RTTN: variants seen among roughly 807,000 people sequenced by gnomAD.
RTTN encodes rotatin.
RTTN carries 182 observed loss-of-function variants against 269.2 expected under a neutral mutation model. The observed-to-expected ratio is 0.68, with a 90% CI of 0.60 to 0.76. The LOEUF (loss-of-function observed/expected upper bound fraction) is 0.76, where lower values mean the gene tolerates loss of function less well. Ranked by LOEUF, RTTN falls within the 30% of genes least tolerant of loss-of-function variation. RTTN has a pLI of 0.00. For synonymous variants in RTTN, 1,006 were observed against 963.5 expected (o/e 1.04, Z -0.82); for missense variants, 2,545 against 2,608.6 (o/e 0.98, Z 0.53).
At chr18:70,108,698 GGTT>G (rs1443302635) in intron 28 of RTTN, among the ~76,000 whole-genome samples, 1 of 152,032 alleles carries the variant, frequency 6.6e-6, no homozygotes, top group East Asian at 1.9e-4. Flanking sequence ...AGAAATGCAA[GGTT>G]GTTTAACATT....
chr18:70,133,358 T>C (rs1285773216), intron 23 of RTTN, among the ~76,000 whole-genome samples: 1 of 152,148 alleles, frequency 6.6e-6, no homozygotes, highest in African/African-American at 2.4e-5. Flanking sequence ...CACAACAACT[T>C]CGTAATACTG....
intron 10 of RTTN, among the ~76,000 whole-genome samples, chr18:70,186,077 C>CT (rs1216622152): frequency 1.4e-5 from 2 of 143,906 alleles, no homozygotes; most frequent in Admixed American, 6.7e-5. Context: ...GCCCTCTCCC[C>CT]CCCAAAAAAA....
intron 40 of RTTN, 123 bp downstream of exon 40, chr18:70,047,848 G>T: frequency 2.6e-6 from 2 of 754,832 alleles, no homozygotes; most frequent in South Asian, 1.8e-5. Context: ...CATTTAAACA[G>T]TCATAATAAG....
chr18:70,165,096 G>T (rs2060949754), intron 14 of RTTN, among the ~76,000 whole-genome samples: 1 of 151,972 alleles, frequency 6.6e-6, no homozygotes, highest in Admixed American at 6.6e-5. Flanking sequence ...ATTTTCAAAC[G>T]TATGCACACA....
At chr18:70,196,255 G>A (rs2061802606) in intron 7 of RTTN, among the ~76,000 whole-genome samples, 1 of 150,874 alleles carries the variant, frequency 6.6e-6, no homozygotes, top group Admixed American at 6.6e-5. Flanking sequence ...CTGCAAGTTT[G>A]GGAGAAAAAA....
In RTTN at chr18:70,048,167, C is replaced by T. The variant is rs749056846; in HGVS notation, c.5345G>A (p.Gly1782Asp). ...AAIDMFCTCA[G>D]LSATCPALYT... ...CAGGGCAGGACACGTGGCAGACAAG[C>T]CTGCACATGTGCAGAACATATCTAA... is the stretch of plus-strand genomic sequence containing the variant. Residue 1782 changes from glycine to aspartate, a missense_variant, in exon 40 of 49, where the codon GGC becomes GAC. Coordinates refer to ENST00000640769, the MANE Select transcript of RTTN (RefSeq NM_173630.4). 5.9e-5 allele frequency: 95 copies of T among 1,613,948 alleles called. No homozygotes were observed. The highest frequency in any genetic ancestry group is 7.8e-5 in the Non-Finnish European group (92 of 1,179,876).
intron 46 of RTTN, among the ~76,000 whole-genome samples, chr18:70,015,526 C>T (rs1426420257): frequency 2.0e-5 from 3 of 152,086 alleles, no homozygotes; most frequent in African/African-American, 4.8e-5. Context: ...AAGTGGAAAG[C>T]GAGGCATAGG....
chr18:70,061,213 T>C (rs763801448), intron 35 of RTTN: 3 of 370,976 alleles, frequency 8.1e-6, no homozygotes, highest in African/African-American at 2.1e-5. Flanking sequence ...GTATGAGAGC[T>C]CCCTTTTCTC....
chr18:70,163,074 A>T lies in RTTN; in HGVS notation c.1929+2988T>A, dbSNP rs1327932230. On this transcript the variant is annotated intron_variant, in intron 14 of 48. Coordinates refer to ENST00000640769, the MANE Select transcript of RTTN (RefSeq NM_173630.4). ...ATTAGGATGGTTACTATTATTAAAA[A>T]AAAAAAAAAAAAAAAAAAAAAAAAC... Among the ~76,000 whole-genome samples the T allele has an allele frequency of 5.3e-5, 7 of 131,260 alleles. No individual in the cohort carries two copies. The East Asian group carries it at 8.1e-4, about 15-fold the overall frequency. 86.1% of individuals were successfully genotyped at this position (131,260 alleles called of 152,430 possible). A position where few individuals can be genotyped will look rare whatever the true frequency, so the allele number is the denominator to read the frequency against.
At position 70,166,414 on chromosome 18, in the gene RTTN, C is replaced by A. The variant is rs181251270; in HGVS notation, c.1803-226G>T. The A allele has an allele frequency of 2.2e-4, 76 of 340,674 alleles. No individual in the cohort carries two copies. The Admixed American group carries it at 2.6e-3, about 12-fold the overall frequency. 21.1% of individuals were successfully genotyped at this position (340,674 alleles called of 1,614,324 possible). A position where few individuals can be genotyped will look rare whatever the true frequency, so the allele number is the denominator to read the frequency against. Reference sequence around the variant, plus strand: ...TAAAAACCCAAAATGTCTTTAAAATCCCCTACTCAGTTAATGATTATCACA... The same window carrying A: ...TAAAAACCCAAAATGTCTTTAAAATACCCTACTCAGTTAATGATTATCACA... On this transcript the variant is annotated intron_variant, in intron 13 of 48. Coordinates refer to ENST00000640769, the MANE Select transcript of RTTN (RefSeq NM_173630.4).
chr18:70,102,994 C>T (rs1440815389), intron 28 of RTTN, among the ~76,000 whole-genome samples: 3 of 144,642 alleles, frequency 2.1e-5, no homozygotes, highest in African/African-American at 5.3e-5. Flanking sequence ...AAGTGGGGAG[C>T]GCCTCTGCCC....
At chr18:70,166,279 C>T in intron 13 of RTTN, 91 bp from the exon 14 acceptor site, 1 of 1,210,602 alleles carries the variant, frequency 8.3e-7, no homozygotes, top group Non-Finnish European at 1.2e-6. Context: ...TTTCTTCCTA[C>T]TCCAACTCCT....
At chr18:70,133,405 T>C (rs2060045491) in intron 23 of RTTN, among the ~76,000 whole-genome samples, 1 of 152,166 alleles carries the variant, frequency 6.6e-6, no homozygotes, top group African/African-American at 2.4e-5. Flanking sequence ...ATAAATATCC[T>C]ATATTCCAAC....
intron 14 of RTTN, among the ~76,000 whole-genome samples, chr18:70,158,129 C>T (rs547194796): frequency 2.6e-5 from 4 of 152,030 alleles, no homozygotes; most frequent in African/African-American, 9.6e-5. Context: ...AAGATGACCA[C>T]CCCCAAGACA....
intron 14 of RTTN, among the ~76,000 whole-genome samples, chr18:70,162,644 A>G (rs2060862994): frequency 6.6e-6 from 1 of 152,054 alleles, no homozygotes; most frequent in Admixed American, 6.6e-5. Context: ...CATGATTCCA[A>G]TTACCTCCTC....
intron 25 of RTTN, among the ~76,000 whole-genome samples, chr18:70,126,832 T>C (rs2059877168): frequency 6.6e-6 from 1 of 152,122 alleles, no homozygotes; most frequent in Non-Finnish European, 1.5e-5. Flanking sequence ...AATAAAGGAA[T>C]TCATATTTTG....
chr18:70,115,349 C>G (rs988368404), intron 26 of RTTN, among the ~76,000 whole-genome samples: 1 of 151,588 alleles, frequency 6.6e-6, no homozygotes, highest in Non-Finnish European at 1.5e-5. Flanking sequence ...TAAACAAATA[C>G]TAGTTCTTTC....
intron 39 of RTTN, 31 bp from the exon 40 acceptor site, chr18:70,048,219 G>A (rs746762982): frequency 4.5e-6 from 7 of 1,571,736 alleles, no homozygotes; most frequent in Non-Finnish European, 4.4e-6. Flanking sequence ...GTGAATGTTT[G>A]AAAATTTCTT....
Position 70,110,532 on chromosome 18 carries a change from T to G in RTTN, c.3684-815A>C, listed in dbSNP as rs971402690. Among the ~76,000 whole-genome samples the G allele has an allele frequency of 2.6e-5, 4 of 152,172 alleles. No homozygotes were observed. In the East Asian group the frequency reaches 5.8e-4, roughly 22 times the overall value. On this transcript the variant is annotated intron_variant, in intron 27 of 48. Coordinates refer to ENST00000640769, the MANE Select transcript of RTTN (RefSeq NM_173630.4). ...GCCTGAGGAACTCCTGCACAGATAC[T>G]GCGCTTGTCCCACGGTTTTCGCAAC...
Sources: gnomAD v4.1 joint callset for allele counts (sites outside exome capture counted in the v4.1 genomes callset) on GRCh38, gnomAD v4.1.1 for gene constraint, MANE v1.5 for transcripts, NCBI Gene and HGNC (gene_info 2026-07-23, HGNC 2026-07-21) for gene names.